The following MAPKAP1 variants were observed in gnomAD, a reference collection of about 807,000 sequenced individuals.
MAPKAP1 encodes MAPK associated protein 1, also known as target of rapamycin complex 2 subunit MAPKAP1.
In MAPKAP1, 20 loss-of-function variants were observed where a neutral mutation model predicts 65.7. The ratio of observed to expected loss-of-function variants is 0.30; its 90% CI spans 0.21 to 0.44. The LOEUF is 0.44. MAPKAP1 is among the 20% of genes least tolerant of loss of function. The pLI, the probability that MAPKAP1 is intolerant of heterozygous loss-of-function variation, is 1.00. For synonymous variants in MAPKAP1, 222 were observed against 244.3 expected (o/e 0.91, Z 0.85); for missense variants, 423 against 648.0 (o/e 0.65, Z 3.77).
intron 11 of MAPKAP1, among the ~76,000 whole-genome samples, chr9:125,441,156 A>G (rs891753441): frequency 5.3e-5 from 8 of 152,252 alleles, no homozygotes; most frequent in Non-Finnish European, 1.2e-4. Flanking sequence ...AGGCATAAAA[A>G]TATAGGGAGT....
At chr9:125,590,161 T>A (rs1038577705) in intron 4 of MAPKAP1, among the ~76,000 whole-genome samples, 2 of 152,204 alleles carry the variant, frequency 1.3e-5, no homozygotes, top group Non-Finnish European at 2.9e-5. Context: ...TCTCAAGATA[T>A]GAAGATTCAA....
intron 4 of MAPKAP1, chr9:125,596,347 T>C: frequency 1.3e-6 from 1 of 772,984 alleles, no homozygotes; most frequent in Non-Finnish European, 2.3e-6. Context: ...TGTGGTGCCT[T>C]TGGTGGCAAC....
At chr9:125,683,122 AT>A (rs1432870956) in intron 1 of MAPKAP1, among the ~76,000 whole-genome samples, 1 of 150,720 alleles carries the variant, frequency 6.6e-6, no homozygotes, top group Non-Finnish European at 1.5e-5. Flanking sequence ...CGCCCAGCTA[AT>A]TTTTTTGTAT....
intron 10 of MAPKAP1, among the ~76,000 whole-genome samples, chr9:125,464,204 T>TA (rs57497941): frequency 0.02 from 1,659 of 83,196 alleles, 93 homozygotes; most frequent in Non-Finnish European, 0.026. Flanking sequence ...TCTCATATAT[T>TA]AAAAAAAAAA....
intron 6 of MAPKAP1, among the ~76,000 whole-genome samples, chr9:125,546,680 G>C (rs1830434092): frequency 6.6e-6 from 1 of 152,136 alleles, no homozygotes; most frequent in South Asian, 2.1e-4. Context: ...TGCTGGGTTT[G>C]AAGCTGAGAA....
At chr9:125,503,880 CTTTTTT>C (rs35867576) in intron 8 of MAPKAP1, among the ~76,000 whole-genome samples, 27 of 66,244 alleles carry the variant, frequency 4.1e-4, no homozygotes, top group African/African-American at 8.7e-4. Flanking sequence ...CCACGCTTGG[CTTTTTT>C]TTTTTTTTTT....
intron 10 of MAPKAP1, among the ~76,000 whole-genome samples, chr9:125,456,990 A>ATT (rs36063329): frequency 0.026 from 3,704 of 143,566 alleles, 64 homozygotes; most frequent in South Asian, 0.056. Flanking sequence ...CATTTAGTGA[A>ATT]TTTTTTTTTT....
At chr9:125,566,421 T>C (rs548289332) in intron 5 of MAPKAP1, among the ~76,000 whole-genome samples, 3 of 152,068 alleles carry the variant, frequency 2.0e-5, no homozygotes, top group Non-Finnish European at 4.4e-5. Flanking sequence ...AAAAATTAGC[T>C]GGGTGTGGTG....
At chr9:125,600,648 G>A (rs1431872425) in intron 4 of MAPKAP1, among the ~76,000 whole-genome samples, 1 of 152,156 alleles carries the variant, frequency 6.6e-6, no homozygotes, top group Non-Finnish European at 1.5e-5. Flanking sequence ...TTGAGAAGTA[G>A]GGACAACAGG....
At chr9:125,547,166 A>C (rs1830450298) in intron 6 of MAPKAP1, among the ~76,000 whole-genome samples, 2 of 152,164 alleles carry the variant, frequency 1.3e-5, no homozygotes, top group Admixed American at 1.3e-4. Context: ...CAGTTACCCC[A>C]AAAAAGTTTG....
chr9:125,680,185 C>T (rs1265478984), intron 1 of MAPKAP1, among the ~76,000 whole-genome samples: 1 of 151,266 alleles, frequency 6.6e-6, no homozygotes, highest in Non-Finnish European at 1.5e-5. Flanking sequence ...AGTCCTTAAA[C>T]GTGTCATAGG....
At chr9:125,484,713 G>T in intron 8 of MAPKAP1, 130 bp from the exon 9 acceptor site, 3 of 832,860 alleles carry the variant, frequency 3.6e-6, no homozygotes, top group Non-Finnish European at 5.3e-6. Context: ...GCTGAGCGAT[G>T]ACTTAATAAT....
intron 9 of MAPKAP1, among the ~76,000 whole-genome samples, chr9:125,475,585 C>T (rs540141797): frequency 7.2e-5 from 11 of 152,162 alleles, no homozygotes; most frequent in African/African-American, 2.2e-4. Flanking sequence ...GGCCTGGACA[C>T]GAACGAACGC....
At chr9:125,611,013 T>C (rs1338339770) in intron 4 of MAPKAP1, among the ~76,000 whole-genome samples, 1 of 151,970 alleles carries the variant, frequency 6.6e-6, no homozygotes, top group Non-Finnish European at 1.5e-5. Flanking sequence ...AAATGTGGAG[T>C]AAGTGCAAGA....
Position 125,543,197 on chromosome 9 carries a change from C to A in MAPKAP1, c.849-29G>T, listed in dbSNP as rs762241421. 3 of 1,435,234 alleles carry A rather than the reference C, an allele frequency of 2.1e-6. No homozygotes were observed. In the South Asian group the frequency reaches 3.4e-5, roughly 16 times the overall value. 88.9% of individuals were successfully genotyped at this position (1,435,234 alleles called of 1,614,324 possible). A position where few individuals can be genotyped will look rare whatever the true frequency, so the allele number is the denominator to read the frequency against. ...TAGGAAAAGACAAATATTAAATCAT[C>A]ACCAACATTCATCCAGAGAGATGTT... is the stretch of plus-strand genomic sequence containing the variant. On this transcript the variant is annotated intron_variant, in intron 6 of 11. Transcript: ENST00000265960.
intron 4 of MAPKAP1, among the ~76,000 whole-genome samples, chr9:125,648,855 C>T (rs1031325881): frequency 2.6e-5 from 4 of 151,806 alleles, no homozygotes; most frequent in Non-Finnish European, 4.4e-5. Flanking sequence ...GTAGGAGAAT[C>T]GCTTAAACCC....
chr9:125,555,457 A>G (rs1877391), intron 6 of MAPKAP1, among the ~76,000 whole-genome samples: 9,081 of 146,162 alleles, frequency 0.062, 803 homozygotes, highest in African/African-American at 0.2. Flanking sequence ...TGCCGCACTT[A>G]GAGGGAAAGA....
intron 4 of MAPKAP1, among the ~76,000 whole-genome samples, chr9:125,642,147 G>A (rs1450056580): frequency 3.3e-5 from 5 of 151,326 alleles, no homozygotes; most frequent in Non-Finnish European, 7.4e-5. Context: ...CAAGGCTGTA[G>A]TAAGCCAAGA....
At chr9:125,668,620 C>CT (rs1318931465) in intron 3 of MAPKAP1, among the ~76,000 whole-genome samples, 1 of 152,124 alleles carries the variant, frequency 6.6e-6, no homozygotes, top group African/African-American at 2.4e-5. Flanking sequence ...ATTTTAATAG[C>CT]ATTTTATTTC....
Sources: gnomAD v4.1 joint callset for allele counts (sites outside exome capture counted in the v4.1 genomes callset) on GRCh38, gnomAD v4.1.1 for gene constraint, MANE v1.5 for transcripts, NCBI Gene and HGNC (gene_info 2026-07-23, HGNC 2026-07-21) for gene names.